Variants in XG observed in about 807,000 individuals in gnomAD.
XG encodes the protein Xg glycoprotein (Xg blood group).
Under a neutral mutation model 25.7 loss-of-function variants are expected in XG, and 24 were observed. That is an observed-to-expected ratio of 0.93 (90% confidence interval 0.68 to 1.31). The LOEUF is 1.31. Among genes scored for constraint, XG ranks in the 40% most tolerant of loss-of-function variants. XG has a pLI of 0.00. For missense variants in XG, 181 were observed against 187.6 expected, an observed-to-expected ratio of 0.96 and a Z score of 0.21; for synonymous variants, 77 against 69.2, an observed-to-expected ratio of 1.11 and a Z score of -0.56.
At chrX:2,777,495 A>AGGTG (rs1443559669) in intron 3 of XG, among the ~76,000 whole-genome samples, 1 of 152,196 alleles carries the variant, frequency 6.6e-6, no homozygotes, top group Non-Finnish European at 1.5e-5. Context: ...CAGGAGGCTG[A>AGGTG]GGTGGGAGGA....
intron 3 of XG, among the ~76,000 whole-genome samples, chrX:2,776,705 A>G (rs902311269): frequency 8.5e-5 from 13 of 152,120 alleles, no homozygotes; most frequent in Non-Finnish European, 1.3e-4. Context: ...AAAATTTGCC[A>G]GGCATGGTGG....
intron 9 of XG, 29 bp from the exon 10 acceptor site, chrX:2,811,307 A>T: frequency 8.8e-7 from 1 of 1,135,785 alleles, no homozygotes; most frequent in Non-Finnish European, 1.2e-6. Flanking sequence ...TTTTTCTCGG[A>T]TGAGCTTGCT....
intron 6 of XG, among the ~76,000 whole-genome samples, chrX:2,796,490 A>G (rs5939326): frequency 0.53 from 53,144 of 99,395 alleles, 12,743 homozygotes; most frequent in Admixed American, 0.7. Context: ...GTGTGTGTGT[A>G]TATATATATA....
intron 4 of XG, among the ~76,000 whole-genome samples, chrX:2,786,644 C>T (rs1419468685): frequency 9.0e-6 from 1 of 111,017 alleles, no homozygotes; most frequent in African/African-American, 3.3e-5. Context: ...TTATGTCTCC[C>T]CGCAAATTCA....
rs1332374005 is a variant in XG, at chrX:2,764,567, G to T, written c.62-5983G>T. Among the ~76,000 whole-genome samples the T allele has an allele frequency of 2.0e-5, 3 of 151,870 alleles. No individual in the cohort carries two copies. In the East Asian group the frequency reaches 5.8e-4, roughly 29 times the overall value. On this transcript the variant is annotated intron_variant, in intron 1 of 10. Transcript: ENST00000644266. Reference sequence around the variant, plus strand: ...AAGGAAGTCAAGATTTGTCCTTCTCGGGGTCCCTGTGCCAGCTTTGTAAAA... The same window carrying T: ...AAGGAAGTCAAGATTTGTCCTTCTCTGGGTCCCTGTGCCAGCTTTGTAAAA...
chrX:2,767,083 C>A (rs1247138940), intron 1 of XG, among the ~76,000 whole-genome samples: 2 of 151,938 alleles, frequency 1.3e-5, no homozygotes, highest in East Asian at 3.9e-4. Flanking sequence ...GCTGCTGAGG[C>A]CTGCACTTGG....
At chrX:2,753,352 C>T (rs1218075471) in intron 1 of XG, among the ~76,000 whole-genome samples, 2 of 152,144 alleles carry the variant, frequency 1.3e-5, no homozygotes, top group African/African-American at 4.8e-5. Context: ...AGTAAACCCA[C>T]CTCCCCAGAA....
At chrX:2,807,755 C>T (rs1259781550) in intron 8 of XG, among the ~76,000 whole-genome samples, 1 of 111,923 alleles carries the variant, frequency 8.9e-6, no homozygotes, top group Non-Finnish European at 1.9e-5. Context: ...GCTTGTCTGC[C>T]TGTGTGTTGC....
At chrX:2,754,835 C>G (rs1354676365) in intron 1 of XG, among the ~76,000 whole-genome samples, 4 of 152,190 alleles carry the variant, frequency 2.6e-5, no homozygotes, top group Non-Finnish European at 5.9e-5. Context: ...GTGGGTCCGC[C>G]CCTTCCAGTC....
intron 3 of XG, among the ~76,000 whole-genome samples, chrX:2,779,935 C>T (rs758060183): frequency 3.3e-4 from 50 of 152,288 alleles, no homozygotes; most frequent in African/African-American, 1.2e-3. Flanking sequence ...GGATGAGCCA[C>T]CGTGTCCAGC....
intron 7 of XG, among the ~76,000 whole-genome samples, chrX:2,800,380 G>T (rs2086923663): frequency 8.9e-6 from 1 of 112,156 alleles, no homozygotes; most frequent in Non-Finnish European, 1.9e-5. Context: ...CAACAGCAAA[G>T]ATCCTCTACA....
intron 3 of XG, among the ~76,000 whole-genome samples, chrX:2,781,374 G>A (rs1355667615): frequency 6.6e-6 from 1 of 151,362 alleles, no homozygotes; most frequent in Non-Finnish European, 1.5e-5. Context: ...GACAACATGA[G>A]GGTAATCACC....
intron 4 of XG, among the ~76,000 whole-genome samples, chrX:2,787,378 G>C (rs1019730234): frequency 1.8e-5 from 2 of 111,377 alleles, no homozygotes; most frequent in Non-Finnish European, 3.8e-5. Flanking sequence ...TGCAGTTGGA[G>C]GTTCTGTGTG....
intron 2 of XG, among the ~76,000 whole-genome samples, chrX:2,771,320 C>G (rs187744700): frequency 8.5e-5 from 13 of 152,284 alleles, no homozygotes; most frequent in African/African-American, 2.4e-4. Context: ...TCTCCCCTCC[C>G]AGAGCACACT....
At chrX:2,769,278 C>A (rs1603305505) in intron 1 of XG, among the ~76,000 whole-genome samples, 1 of 152,332 alleles carries the variant, frequency 6.6e-6, no homozygotes, top group South Asian at 2.1e-4. Flanking sequence ...GGGGGAGACC[C>A]AGTACCTAGG....
At chrX:2,770,511 C>G (rs776925301) in intron 1 of XG, 39 bp from the exon 2 acceptor site, 5 of 1,613,354 alleles carry the variant, frequency 3.1e-6, no homozygotes, top group Non-Finnish European at 4.2e-6. Flanking sequence ...TCTGGCCTTT[C>G]CATCATGGGG....
At chrX:2,797,829 T>G (rs311186) in intron 7 of XG, among the ~76,000 whole-genome samples, 11,266 of 109,820 alleles carry the variant, frequency 0.1, 1,293 homozygotes, top group African/African-American at 0.34. Context: ...CCCAGGAGTT[T>G]GAGACCAGCC....
chrX:2,763,977 G>A (rs311127), intron 1 of XG, among the ~76,000 whole-genome samples: 104,084 of 151,988 alleles, frequency 0.68, 36,235 homozygotes, highest in East Asian at 0.92. Context: ...CTGCATTCCC[G>A]GATGGTCAAG....
At chrX:2,768,048 G>A (rs777888045) in intron 1 of XG, among the ~76,000 whole-genome samples, 1 of 152,292 alleles carries the variant, frequency 6.6e-6, no homozygotes, top group Admixed American at 6.5e-5. Context: ...GCCTCCTGCT[G>A]CAGGATGAGA....
Sources: gnomAD v4.1 joint callset for allele counts (sites outside exome capture counted in the v4.1 genomes callset) on GRCh38, gnomAD v4.1.1 for gene constraint, MANE v1.5 for transcripts, NCBI Gene and HGNC (gene_info 2026-07-23, HGNC 2026-07-21) for gene names.